KIF3C: variants seen among roughly 807,000 people sequenced by gnomAD.
KIF3C encodes the protein kinesin family member 3C.
Under a neutral mutation model 67.7 loss-of-function variants are expected in KIF3C, and 12 were observed. The observed-to-expected ratio is 0.18, with a 90% CI of 0.11 to 0.29. The LOEUF is 0.29. Among genes scored for constraint, KIF3C ranks in the 10% least tolerant of loss-of-function variants. The pLI is 1.00. For synonymous variants in KIF3C, 393 were observed against 426.2 expected (o/e 0.92, Z 0.96); for missense variants, 789 against 1,059.6 (o/e 0.74, Z 3.55).
intron 1 of KIF3C, among the ~76,000 whole-genome samples, chr2:25,974,760 C>T (rs973532567): frequency 2.0e-5 from 3 of 152,036 alleles, no homozygotes; most frequent in African/African-American, 4.8e-5. Flanking sequence ...GGCATGGTGA[C>T]TCATGCCTAT....
At chr2:25,938,166 C>T (rs987404741) in intron 5 of KIF3C, 1 of 374,958 alleles carries the variant, frequency 2.7e-6, no homozygotes, top group Non-Finnish European at 5.3e-6. Flanking sequence ...AGTTCAAGAC[C>T]AGCCTGGCCA....
At chr2:25,960,801 T>C (rs2149236639) in intron 1 of KIF3C, among the ~76,000 whole-genome samples, 1 of 152,212 alleles carries the variant, frequency 6.6e-6, no homozygotes, top group Middle Eastern at 3.4e-3. Flanking sequence ...TCAGGCATGG[T>C]GGTGTGGGCC....
At chr2:25,942,538 G>T (rs1663319151) in intron 5 of KIF3C, among the ~76,000 whole-genome samples, 1 of 151,740 alleles carries the variant, frequency 6.6e-6, no homozygotes, top group Non-Finnish European at 1.5e-5. Context: ...AGCCTCCCAA[G>T]TAGCTGGAAT....
At chr2:25,964,117 G>A (rs1352635137) in intron 1 of KIF3C, among the ~76,000 whole-genome samples, 1 of 152,028 alleles carries the variant, frequency 6.6e-6, no homozygotes, top group East Asian at 1.9e-4. Flanking sequence ...AGACTAGCCT[G>A]GCCAACATGG....
At chr2:25,947,778 C>T (rs1249817345) in intron 5 of KIF3C, among the ~76,000 whole-genome samples, 2 of 151,918 alleles carry the variant, frequency 1.3e-5, no homozygotes, top group Non-Finnish European at 2.9e-5. Flanking sequence ...TTAGTAAACA[C>T]TACTACTAGC....
chr2:25,928,645 G>A lies in KIF3C; in HGVS notation c.*333C>T, dbSNP rs1195935171. 1 of 202,460 alleles carries A rather than the reference G, an allele frequency of 4.9e-6. No homozygotes were observed. Among genetic ancestry groups the A allele is most frequent in the Non-Finnish European group, 1.0e-5 (1 of 99,110 alleles). The allele number at this position is 202,460 out of a possible 1,614,324, so 12.5% of individuals were successfully genotyped here. ...TCAGGCACTGGCTACCTTCCCTTCT[G>A]GAGGCAGCTGACAGGGGGACAAGCC... On this transcript the variant is annotated 3_prime_UTR_variant, in exon 8 of 8. Transcript: ENST00000264712.
chr2:25,979,618 C>T lies in KIF3C; in HGVS notation c.1545+755G>A, dbSNP rs1409723274. On this transcript the variant is annotated intron_variant, in intron 1 of 7. Coordinates refer to ENST00000264712, the MANE Select transcript of KIF3C (RefSeq NM_002254.8). ...AGAGTTTGGTGCTTTTTCCACCCTA[C>T]CTCCTGCATAACCCCCAAATCTCTT... 3.3e-5 allele frequency among the ~76,000 whole-genome samples: 5 copies of T among 152,138 alleles called. No individual in the cohort carries two copies. The East Asian group carries it at 9.6e-4, about 29-fold the overall frequency.
rs531256047 is a variant in KIF3C at position 25,928,883 on chromosome 2, G to A, written c.*95C>T. 5 of 979,078 alleles carry A rather than the reference G, an allele frequency of 5.1e-6. No individual in the cohort carries two copies. The highest frequency in any genetic ancestry group is 2.4e-5 in the East Asian group (1 of 41,472). 60.6% of individuals were successfully genotyped at this position (979,078 alleles called of 1,614,324 possible). ...TGCACACACGCACACGCACATGCAC[G>A]CACACGCACACGCACCAAGCGGCAG... On this transcript the variant is annotated 3_prime_UTR_variant, in exon 8 of 8. Coordinates refer to ENST00000264712, the MANE Select transcript of KIF3C (RefSeq NM_002254.8).
At chr2:25,945,979 G>T (rs1050110060) in intron 5 of KIF3C, among the ~76,000 whole-genome samples, 11 of 151,984 alleles carry the variant, frequency 7.2e-5, no homozygotes, top group African/African-American at 2.7e-4. Context: ...CGGGCATGGT[G>T]GTGGGTGCCT....
At chr2:25,937,849 G>A (rs756398891) in intron 5 of KIF3C, among the ~76,000 whole-genome samples, 19 of 152,100 alleles carry the variant, frequency 1.2e-4, no homozygotes, top group Non-Finnish European at 8.8e-5. Context: ...GAGGTCAGGA[G>A]TTCAAGACCA....
In KIF3C at chr2:25,947,905, A is replaced by G. The variant is rs1663488699; in HGVS notation, c.2006+3884T>C. Among the ~76,000 whole-genome samples the G allele has an allele frequency of 2.0e-5, 3 of 152,286 alleles. No individual in the cohort carries two copies. In the South Asian group the frequency reaches 6.2e-4, roughly 32 times the overall value. ...AAAGTAAATTAAAAAAAAATTTTAG[A>G]GATGAAGTCTCATTCTGTCGCCCAG... On this transcript the variant is annotated intron_variant, in intron 5 of 7. Coordinates refer to ENST00000264712, the MANE Select transcript of KIF3C (RefSeq NM_002254.8).
intron 1 of KIF3C, among the ~76,000 whole-genome samples, chr2:25,978,971 T>C (rs1025938563): frequency 6.6e-6 from 1 of 152,090 alleles, no homozygotes; most frequent in African/African-American, 2.4e-5. Flanking sequence ...AAATATTAAA[T>C]ATGTAAGGCC....
chr2:25,970,651 G>C (rs1319402081), intron 1 of KIF3C, among the ~76,000 whole-genome samples: 2 of 93,736 alleles, frequency 2.1e-5, no homozygotes, highest in African/African-American at 8.3e-5. Context: ...TGGGAAACAA[G>C]AGTGAAACTT....
Position 25,980,606 on chromosome 2 carries a change from T to TGTC in KIF3C, c.1309_1311dup (p.Asp437dup). The TGTC allele has an allele frequency of 6.2e-7, 1 of 1,613,962 alleles. No homozygotes were observed. The highest frequency in any genetic ancestry group is 8.5e-7 in the Non-Finnish European group (1 of 1,180,006). On this transcript the variant is annotated inframe_insertion, in exon 1 of 8. Transcript: ENST00000264712. This position sits in a 1 kb window ranked among gnomAD's most constrained non-coding sequence, Gnocchi z 7.6. The stretch of plus-strand genomic sequence containing the variant: ...TGGGGCGGGCGGTGGTTGTTGTTGT[T>TGTC]GTCATCCTCCTCTTCTGCCACCCAG...
intron 5 of KIF3C, among the ~76,000 whole-genome samples, chr2:25,939,927 G>C (rs976517058): frequency 6.6e-6 from 1 of 151,866 alleles, no homozygotes; most frequent in Non-Finnish European, 1.5e-5. Flanking sequence ...TCCAGCCCGG[G>C]TGACAGAGTA....
chr2:25,975,818 C>T (rs1372546021), intron 1 of KIF3C, among the ~76,000 whole-genome samples: 3 of 151,848 alleles, frequency 2.0e-5, no homozygotes, highest in Non-Finnish European at 2.9e-5. Flanking sequence ...GTAAGCCGGG[C>T]GTGGTGGTGG....
chr2:25,954,473 A>C, intron 3 of KIF3C, 88 bp from the exon 4 acceptor site: 1 of 950,756 alleles, frequency 1.1e-6, no homozygotes, highest in Non-Finnish European at 1.6e-6. Flanking sequence ...CTGCAGGCTC[A>C]GAGTCTACCG....
chr2:25,959,852 A>C (rs981423726), intron 1 of KIF3C, among the ~76,000 whole-genome samples: 20 of 152,024 alleles, frequency 1.3e-4, no homozygotes, highest in Non-Finnish European at 2.9e-5. Context: ...GGTGTGAGAG[A>C]AAAGAGAAGA....
chr2:25,952,295 C>G (rs191608567), intron 4 of KIF3C, among the ~76,000 whole-genome samples: 1 of 148,794 alleles, frequency 6.7e-6, no homozygotes, highest in East Asian at 1.9e-4. Context: ...AGTGAGACTC[C>G]GTCTCAAAAA....
Sources: allele counts gnomAD v4.1 joint callset (sites outside exome capture counted in the v4.1 genomes callset), GRCh38; gene constraint gnomAD v4.1.1; non-coding constraint Gnocchi (gnomAD v3.1); transcripts MANE v1.5; gene names NCBI Gene and HGNC (gene_info 2026-07-23, HGNC 2026-07-21).